The following SESTD1 variants were observed in gnomAD, a reference collection of about 807,000 sequenced individuals.
SESTD1 encodes SEC14 and spectrin domain containing 1, also known as SEC14 domain and spectrin repeat-containing protein 1.
A neutral mutation model predicts 101.7 loss-of-function variants in SESTD1; 43 were observed. The observed-to-expected ratio is 0.42, with a 90% CI of 0.33 to 0.55. The LOEUF is 0.55. Ranked by LOEUF, SESTD1 falls within the 20% of genes least tolerant of loss-of-function variation. The pLI, the probability that SESTD1 is intolerant of heterozygous loss-of-function variation, is 0.07. For synonymous variants in SESTD1, 283 were observed against 286.8 expected (o/e 0.99, Z 0.13); for missense variants, 647 against 815.1 (o/e 0.79, Z 2.51).
intron 10 of SESTD1, 63 bp downstream of exon 10, chr2:179,132,241 A>G (rs2045028968): frequency 6.7e-7 from 1 of 1,483,840 alleles, no homozygotes; most frequent in African/African-American, 1.5e-5. Context: ...TCAGTACCAC[A>G]TATGCTACTA....
chr2:179,138,846 G>C (rs2045213635), intron 9 of SESTD1, among the ~76,000 whole-genome samples: 1 of 125,212 alleles, frequency 8.0e-6, no homozygotes, highest in South Asian at 2.7e-4. Context: ...ACTCCAGCCT[G>C]GGTAATAGAC....
At chr2:179,173,924 T>G (rs2045966812) in intron 4 of SESTD1, among the ~76,000 whole-genome samples, 1 of 152,060 alleles carries the variant, frequency 6.6e-6, no homozygotes, top group Admixed American at 6.5e-5. Flanking sequence ...ATAATTACTA[T>G]TATTACTATT....
chr2:179,137,018 C>T (rs1050161530), intron 9 of SESTD1, among the ~76,000 whole-genome samples: 5 of 151,976 alleles, frequency 3.3e-5, no homozygotes, highest in African/African-American at 4.8e-5. Flanking sequence ...GGTTGATGCC[C>T]CAGTAAACAA....
In SESTD1 at chr2:179,231,404, A is replaced by G. The variant is rs897731083; in HGVS notation, c.-26+33095T>C. On this transcript the variant is annotated intron_variant, in intron 1 of 17. Transcript: ENST00000428443. Reference sequence around the variant, plus strand: ...GAATTATAGGACACCATTAAAAACAACATAATAGATAGTATAAACTTAAAT... The same window carrying G: ...GAATTATAGGACACCATTAAAAACAGCATAATAGATAGTATAAACTTAAAT... 3.3e-5 allele frequency among the ~76,000 whole-genome samples: 5 copies of G among 152,208 alleles called. 1 individual carries two copies. Among genetic ancestry groups the G allele is most frequent in the East Asian group, 3.9e-4 (2 of 5,194 alleles).
At chr2:179,187,387 G>A (rs1339054829) in intron 2 of SESTD1, among the ~76,000 whole-genome samples, 1 of 152,180 alleles carries the variant, frequency 6.6e-6, no homozygotes, top group African/African-American at 2.4e-5. Flanking sequence ...CAATTTGGGA[G>A]ACTGAGGTAG....
At chr2:179,166,206 G>A (rs1049985391) in intron 5 of SESTD1, among the ~76,000 whole-genome samples, 7 of 152,152 alleles carry the variant, frequency 4.6e-5, no homozygotes, top group African/African-American at 1.7e-4. Context: ...TGAATCTCTA[G>A]AGGAAAGATC....
intron 1 of SESTD1, among the ~76,000 whole-genome samples, chr2:179,237,343 C>T (rs2047083375): frequency 1.3e-5 from 2 of 152,086 alleles, no homozygotes; most frequent in South Asian, 4.1e-4. Context: ...TTCCGATGAC[C>T]TTCTGATGTT....
At chr2:179,215,622 C>A (rs2046709849) in intron 1 of SESTD1, among the ~76,000 whole-genome samples, 1 of 134,750 alleles carries the variant, frequency 7.4e-6, no homozygotes, top group Non-Finnish European at 1.6e-5. Context: ...AACAGGGAAT[C>A]CTCCCTAACT....
At chr2:179,195,223 T>C (rs1459812195) in intron 1 of SESTD1, among the ~76,000 whole-genome samples, 1 of 152,178 alleles carries the variant, frequency 6.6e-6, no homozygotes, top group African/African-American at 2.4e-5. Flanking sequence ...GTAATCTCCA[T>C]ATGTAGAGTG....
At chr2:179,159,725 C>T (rs931768706) in intron 5 of SESTD1, among the ~76,000 whole-genome samples, 22 of 151,980 alleles carry the variant, frequency 1.4e-4, no homozygotes, top group Admixed American at 1.3e-4. Flanking sequence ...TTGAAGAGAC[C>T]ACTAATTTCC....
rs149545847 is a variant in SESTD1, at chr2:179,156,352, T to C, written c.370-4961A>G. Among the ~76,000 whole-genome samples the C allele has an allele frequency of 7.4e-3, 1,133 of 152,270 alleles. 12 individuals are homozygous for C. The highest frequency in any genetic ancestry group is 0.026 in the African/African-American group (1,060 of 41,558). On this transcript the variant is annotated intron_variant, in intron 5 of 17. Coordinates refer to ENST00000428443, the MANE Select transcript of SESTD1 (RefSeq NM_178123.5). ...TCTTTTCTTCTGGGTAGATACCCAGTAGTGGGACTGCTGGATCAAATGGTA... is the reference window on the plus strand; with the variant it reads ...TCTTTTCTTCTGGGTAGATACCCAGCAGTGGGACTGCTGGATCAAATGGTA...
At chr2:179,110,166 A>G in intron 17 of SESTD1, 138 bp from the exon 18 acceptor site, 1 of 794,334 alleles carries the variant, frequency 1.3e-6, no homozygotes, top group Non-Finnish European at 1.9e-6. Context: ...ATCGGTGATC[A>G]TACTGTTTGA....
chr2:179,129,111 A>AG (rs2154394255), intron 10 of SESTD1, among the ~76,000 whole-genome samples: 1 of 152,370 alleles, frequency 6.6e-6, no homozygotes, highest in East Asian at 1.9e-4. Context: ...ACTACACATT[A>AG]GGAGAAATGA....
chr2:179,185,729 TATATA>T (rs10610118), intron 2 of SESTD1, among the ~76,000 whole-genome samples: 9,640 of 114,572 alleles, frequency 0.084, 1,563 homozygotes, highest in African/African-American at 0.31. Flanking sequence ...TAGCATATTA[TATATA>T]ATATAATATA....
intron 1 of SESTD1, among the ~76,000 whole-genome samples, chr2:179,201,229 T>C (rs2046507237): frequency 7.5e-6 from 1 of 133,090 alleles, no homozygotes; most frequent in Non-Finnish European, 1.6e-5. Context: ...TGAGATACCA[T>C]CTCACACCAG....
At chr2:179,237,618 G>C (rs1351414958) in intron 1 of SESTD1, among the ~76,000 whole-genome samples, 1 of 152,106 alleles carries the variant, frequency 6.6e-6, no homozygotes, top group East Asian at 1.9e-4. Flanking sequence ...TTTTTAAAAA[G>C]ATTTATTTTC....
intron 1 of SESTD1, among the ~76,000 whole-genome samples, chr2:179,244,652 CA>C (rs1337591635): frequency 3.3e-5 from 5 of 151,868 alleles, no homozygotes; most frequent in Non-Finnish European, 7.4e-5. Context: ...ATACATACCT[CA>C]AAAGAATGGC....
intron 1 of SESTD1, among the ~76,000 whole-genome samples, chr2:179,198,152 T>C (rs193116984): frequency 2.6e-5 from 4 of 152,038 alleles, no homozygotes; most frequent in African/African-American, 4.8e-5. Flanking sequence ...AAGGCAGGGG[T>C]TGCAATCCTA....
intron 1 of SESTD1, among the ~76,000 whole-genome samples, chr2:179,203,766 G>A (rs2046554599): frequency 7.5e-6 from 1 of 133,980 alleles, no homozygotes; most frequent in Non-Finnish European, 1.6e-5. Flanking sequence ...TCTAAAGAGA[G>A]CACAGCCCAG....
Sources: allele counts gnomAD v4.1 joint callset (sites outside exome capture counted in the v4.1 genomes callset), GRCh38; gene constraint gnomAD v4.1.1; transcripts MANE v1.5; gene names NCBI Gene and HGNC (gene_info 2026-07-23, HGNC 2026-07-21).